Variants in GPD2 observed in about 807,000 individuals in gnomAD.
GPD2 encodes glycerol-3-phosphate dehydrogenase, mitochondrial.
In GPD2, 54 loss-of-function variants were observed where a neutral mutation model predicts 82.4. The ratio of observed to expected loss-of-function variants is 0.66; its 90% CI spans 0.53 to 0.82. The LOEUF is 0.82. Ranked by LOEUF, GPD2 falls within the 40% of genes least tolerant of loss-of-function variation. The pLI is 0.00. For synonymous variants in GPD2, 288 were observed against 306.1 expected, an observed-to-expected ratio of 0.94 and a Z score of 0.62; for missense variants, 748 against 896.2, an observed-to-expected ratio of 0.83 and a Z score of 2.11.
At chr2:156,541,708 C>T (rs1340177142) in intron 6 of GPD2, among the ~76,000 whole-genome samples, 2 of 151,994 alleles carry the variant, frequency 1.3e-5, no homozygotes, top group Non-Finnish European at 2.9e-5. Flanking sequence ...AACTGCATAG[C>T]CTGTGAAAGA....
chr2:156,496,723 T>A (rs997808056), intron 3 of GPD2, among the ~76,000 whole-genome samples: 1 of 152,064 alleles, frequency 6.6e-6, no homozygotes, highest in Non-Finnish European at 1.5e-5. Flanking sequence ...TGGTTTTTTT[T>A]AAAGCACATA....
chr2:156,498,086 T>C (rs1684449142), intron 3 of GPD2, among the ~76,000 whole-genome samples: 1 of 152,190 alleles, frequency 6.6e-6, no homozygotes, highest in African/African-American at 2.4e-5. Context: ...ATTTCCCCAG[T>C]AGGATTCAGG....
chr2:156,492,732 T>C (rs1157453219), intron 2 of GPD2, among the ~76,000 whole-genome samples: 1 of 152,036 alleles, frequency 6.6e-6, no homozygotes, highest in East Asian at 1.9e-4. Flanking sequence ...TGACTAGATA[T>C]GGAAATGTTT....
At chr2:156,580,086 T>A (rs186931536) in intron 16 of GPD2, among the ~76,000 whole-genome samples, 12 of 152,238 alleles carry the variant, frequency 7.9e-5, no homozygotes, top group Non-Finnish European at 1.8e-4. Context: ...TTTAAAGACG[T>A]ATGCCATGGC....
the GPD2 span, among the ~76,000 whole-genome samples, chr2:156,409,315 C>G: frequency 6.6e-6 from 1 of 152,118 alleles, no homozygotes; most frequent in African/African-American, 2.4e-5. Context: ...TGGCAGAGAC[C>G]AGTATATTTG....
At chr2:156,566,428 T>A (rs1369459307) in intron 9 of GPD2, among the ~76,000 whole-genome samples, 2 of 152,152 alleles carry the variant, frequency 1.3e-5, no homozygotes, top group East Asian at 3.8e-4. Flanking sequence ...TCTGCTCCTA[T>A]GAGTTTGAGT....
At chr2:156,485,840 A>G (rs929316515) in intron 2 of GPD2, among the ~76,000 whole-genome samples, 20 of 152,350 alleles carry the variant, frequency 1.3e-4, no homozygotes, top group African/African-American at 4.1e-4. Context: ...GCCATTACAT[A>G]TGTGTCTTGA....
intron 16 of GPD2, among the ~76,000 whole-genome samples, chr2:156,580,054 G>C (rs1015594415): frequency 2.0e-5 from 3 of 152,172 alleles, no homozygotes; most frequent in African/African-American, 4.8e-5. Flanking sequence ...TTATCATAAA[G>C]GGTTGAATAT....
the GPD2 span, among the ~76,000 whole-genome samples, chr2:156,422,939 C>T: frequency 1.3e-5 from 2 of 152,078 alleles, no homozygotes; most frequent in Middle Eastern, 3.2e-3. Flanking sequence ...GAATGGAGAG[C>T]TCAATAAATA....
intron 9 of GPD2, among the ~76,000 whole-genome samples, chr2:156,564,841 A>G (rs1409080573): frequency 6.6e-6 from 1 of 152,156 alleles, no homozygotes; most frequent in African/African-American, 2.4e-5. Flanking sequence ...TAAAAAGCTG[A>G]ATCCTAAGAT....
chr2:156,401,086 G>C, the GPD2 span, among the ~76,000 whole-genome samples: 7 of 152,304 alleles, frequency 4.6e-5, 1 homozygote, highest in South Asian at 1.0e-3. Flanking sequence ...TAAAGGCCCT[G>C]TTATTGAACT....
chr2:156,481,807 G>T (rs143709999), intron 2 of GPD2, among the ~76,000 whole-genome samples: 1 of 152,100 alleles, frequency 6.6e-6, no homozygotes. Context: ...TAACTGAATA[G>T]TATTCCATCA....
chr2:156,561,188 C>T (rs956235528), intron 9 of GPD2, among the ~76,000 whole-genome samples: 11 of 151,320 alleles, frequency 7.3e-5, no homozygotes, highest in African/African-American at 2.7e-4. Context: ...GCTGGGATTA[C>T]AGGCACACGC....
chr2:156,441,853 C>G (rs916015695), intron 1 of GPD2, among the ~76,000 whole-genome samples: 9 of 152,270 alleles, frequency 5.9e-5, no homozygotes, highest in African/African-American at 2.2e-4. Flanking sequence ...GTGTGGAAAA[C>G]CCATACATTT....
intron 2 of GPD2, among the ~76,000 whole-genome samples, chr2:156,481,919 T>C (rs976788252): frequency 1.3e-5 from 2 of 152,232 alleles, no homozygotes; most frequent in African/African-American, 2.4e-5. Flanking sequence ...TGTATCTTTA[T>C]AGCTGAGTGA....
intron 6 of GPD2, among the ~76,000 whole-genome samples, chr2:156,518,129 T>G (rs1685265037): frequency 6.6e-6 from 1 of 152,184 alleles, no homozygotes; most frequent in African/African-American, 2.4e-5. Context: ...TTCACTAGAA[T>G]ATTCATTTTT....
chr2:156,442,525 A>T (rs1399284924), intron 1 of GPD2, among the ~76,000 whole-genome samples: 1 of 152,206 alleles, frequency 6.6e-6, no homozygotes, highest in African/African-American at 2.4e-5. Context: ...AAAAGAAAGG[A>T]TATTGGCTAA....
At chr2:156,581,963 A>G (rs1374371337) in intron 16 of GPD2, among the ~76,000 whole-genome samples, 1 of 151,996 alleles carries the variant, frequency 6.6e-6, no homozygotes, top group Admixed American at 6.6e-5. Flanking sequence ...GTGTGTGTGT[A>G]TATATATAAT....
intron 6 of GPD2, among the ~76,000 whole-genome samples, chr2:156,529,839 T>C (rs1483881045): frequency 2.0e-4 from 31 of 152,250 alleles, no homozygotes; most frequent in African/African-American, 4.3e-4. Flanking sequence ...TTGGTTACTG[T>C]AGCCTTGTAG....
Sources: allele counts gnomAD v4.1 joint callset (sites outside exome capture counted in the v4.1 genomes callset), GRCh38; gene constraint gnomAD v4.1.1; transcripts MANE v1.5; gene names NCBI Gene and HGNC (gene_info 2026-07-23, HGNC 2026-07-21).